The following LRRN3 variants were observed in gnomAD, a reference collection of about 807,000 sequenced individuals.
LRRN3 encodes the protein leucine-rich repeat neuronal protein 3.
In LRRN3, 15 loss-of-function variants were observed where a neutral mutation model predicts 40.1. The observed-to-expected ratio is 0.37, with a 90% CI of 0.25 to 0.58. The LOEUF is 0.58. Ranked by LOEUF, LRRN3 falls within the 20% of genes least tolerant of loss-of-function variation. LRRN3 has a pLI of 0.72. For missense variants in LRRN3, 746 were observed against 837.7 expected, an observed-to-expected ratio of 0.89 and a Z score of 1.35; for synonymous variants, 308 against 297.2, an observed-to-expected ratio of 1.04 and a Z score of -0.37.
chr7:111,102,547 A>T (rs556965810), intron 2 of LRRN3, among the ~76,000 whole-genome samples: 1 of 151,658 alleles, frequency 6.6e-6, no homozygotes, highest in East Asian at 1.9e-4. Context: ...TTTTTGCCCT[A>T]AAGTGATTTT....
At chr7:111,113,037 A>G in intron 2 of LRRN3, among the ~76,000 whole-genome samples, 1 of 152,170 alleles carries the variant, frequency 6.6e-6, no homozygotes, top group East Asian at 1.9e-4. Flanking sequence ...TGAGAACCAT[A>G]TTTTATTATA....
intron 2 of LRRN3, among the ~76,000 whole-genome samples, chr7:111,114,477 C>T (rs1799609938): frequency 6.6e-6 from 1 of 152,076 alleles, no homozygotes; most frequent in South Asian, 2.1e-4. Flanking sequence ...GTGACCCACA[C>T]CTGTAATCCC....
rs1261367397 is a variant in LRRN3 at position 111,091,292 on chromosome 7, T to C, written c.-653T>C. ...AGAAGGAATCCCGGCTGCAGCCTCCTGCCTTCCTTTATATTTTAAAATAGA... is the reference window on the plus strand; with the variant it reads ...AGAAGGAATCCCGGCTGCAGCCTCCCGCCTTCCTTTATATTTTAAAATAGA... On this transcript the variant is annotated 5_prime_UTR_variant, in exon 1 of 3. Transcript: ENST00000308478. 6.6e-6 allele frequency: 1 copy of C among 152,236 alleles called. No homozygotes were observed. The highest frequency in any genetic ancestry group is 2.4e-5 in the African/African-American group (1 of 41,456). 9.4% of individuals were successfully genotyped at this position (152,236 alleles called of 1,614,324 possible).
chr7:111,099,228 T>C (rs1797715073), intron 1 of LRRN3, among the ~76,000 whole-genome samples: 1 of 151,690 alleles, frequency 6.6e-6, no homozygotes, highest in African/African-American at 2.4e-5. Context: ...GGTCTCAAAT[T>C]TCATTATTTA....
rs761046127 is a variant in LRRN3 at position 111,122,745 on chromosome 7, C to A, written c.-28C>A. ...ACTGACTGTGGAATCCTTAAGGGCC[C>A]ATTACATTTCTGAAGAAGAAAGCTA... On this transcript the variant is annotated 5_prime_UTR_variant, in exon 3 of 3. Coordinates refer to ENST00000308478, the MANE Select transcript of LRRN3 (RefSeq NM_001099658.2). The A allele has an allele frequency of 1.3e-6, 2 of 1,570,356 alleles. No homozygotes were observed. Among genetic ancestry groups the A allele is most frequent in the Non-Finnish European group, 1.7e-6 (2 of 1,149,926 alleles).
rs189131262 is a variant in LRRN3, at chr7:111,114,108, C to G, written c.-358-8307C>G. On this transcript the variant is annotated intron_variant, in intron 2 of 2. Coordinates refer to ENST00000308478, the MANE Select transcript of LRRN3 (RefSeq NM_001099658.2). ...AATTTTCTGAACAGAACTGAAGTCT[C>G]TCAACATACACATACACATAAATCT... 1.8e-3 allele frequency among the ~76,000 whole-genome samples: 270 copies of G among 151,434 alleles called. 1 individual carries two copies. Among genetic ancestry groups the G allele is most frequent in the African/African-American group, 6.4e-3 (265 of 41,112 alleles).
At position 111,093,126 on chromosome 7, in the gene LRRN3, C is replaced by T. The variant is rs566524538; in HGVS notation, c.-441+1622C>T. On this transcript the variant is annotated intron_variant, in intron 1 of 2. Transcript: ENST00000308478. ...ACCTTTGTAAATGATGACAATAAAG[C>T]AGCTCTGACAATATGCCAGTGGCTT... Among the ~76,000 whole-genome samples the T allele has an allele frequency of 8.5e-5, 13 of 152,254 alleles. No individual in the cohort carries two copies. In the South Asian group the frequency reaches 2.7e-3, roughly 32 times the overall value.
chr7:111,118,254 A>C (rs1387703966), intron 2 of LRRN3, among the ~76,000 whole-genome samples: 2 of 152,186 alleles, frequency 1.3e-5, no homozygotes, highest in East Asian at 1.9e-4. Flanking sequence ...ATGCCTGCCA[A>C]AAAGTAGGTG....
At chr7:111,103,036 T>C (rs949320237) in intron 2 of LRRN3, among the ~76,000 whole-genome samples, 15 of 151,592 alleles carry the variant, frequency 9.9e-5, no homozygotes, top group South Asian at 2.1e-4. Context: ...ACAGTGTCCA[T>C]TGATCATAGT....
chr7:111,116,517 C>G (rs1799899209), intron 2 of LRRN3, among the ~76,000 whole-genome samples: 1 of 152,022 alleles, frequency 6.6e-6, no homozygotes, highest in African/African-American at 2.4e-5. Context: ...TAATTTTTCT[C>G]TAATAAACAA....
At chr7:111,110,124 G>T (rs373978907) in intron 2 of LRRN3, among the ~76,000 whole-genome samples, 1 of 152,146 alleles carries the variant, frequency 6.6e-6, no homozygotes, top group Non-Finnish European at 1.5e-5. Flanking sequence ...AACACAGTGA[G>T]ACTCTGTCTC....
In LRRN3 at chr7:111,124,742, G is replaced by A. The variant is rs769565061; in HGVS notation, c.1970G>A (p.Gly657Asp). 8.1e-6 allele frequency: 13 copies of A among 1,613,810 alleles called. No individual in the cohort carries two copies. The South Asian group carries it at 1.3e-4, about 16-fold the overall frequency. ...CTCTCTCCAGAAATGAACTGTGATG[G>A]TGGACACAGCTATGTGAGGAATTAC... is the stretch of plus-strand genomic sequence containing the variant. ...SCLSPEMNCD[G>D]GHSYVRNYLQ... Residue 657 changes from glycine to aspartate, a missense_variant, in exon 3 of 3, where the codon GGT becomes GAT. By Grantham distance (94) the Gly-to-Asp change is moderately conservative. Coordinates refer to ENST00000308478, the MANE Select transcript of LRRN3 (RefSeq NM_001099658.2).
chr7:111,114,133 T>TACACAC (rs71151831), intron 2 of LRRN3, among the ~76,000 whole-genome samples: 381 of 146,660 alleles, frequency 2.6e-3, no homozygotes, highest in African/African-American at 5.9e-3. Flanking sequence ...CACATAAATC[T>TACACAC]ACACACACAC....
intron 2 of LRRN3, among the ~76,000 whole-genome samples, chr7:111,109,959 C>A (rs146931470): frequency 6.6e-6 from 1 of 152,220 alleles, no homozygotes; most frequent in African/African-American, 2.4e-5. Flanking sequence ...TATGGTGAAA[C>A]ACTGTGTCTA....
rs528720656 is a variant in LRRN3 at position 111,096,693 on chromosome 7, G to C, written c.-440-3188G>C. On this transcript the variant is annotated intron_variant, in intron 1 of 2. Transcript: ENST00000308478. Reference sequence around the variant, plus strand: ...GAGTAAATTATTTAGGGATTTTCCAGGTTACTAAAAATTATGAACAAAGTC... The same window carrying C: ...GAGTAAATTATTTAGGGATTTTCCACGTTACTAAAAATTATGAACAAAGTC... Among the ~76,000 whole-genome samples, 3 of 151,830 alleles carry C rather than the reference G, an allele frequency of 2.0e-5. No individual in the cohort carries two copies. The East Asian group carries it at 5.8e-4, about 30-fold the overall frequency.
At chr7:111,110,676 T>C (rs906211288) in intron 2 of LRRN3, among the ~76,000 whole-genome samples, 2 of 152,220 alleles carry the variant, frequency 1.3e-5, no homozygotes, top group East Asian at 3.8e-4. Flanking sequence ...AGAATGTTTC[T>C]ACATATATGA....
intron 2 of LRRN3, among the ~76,000 whole-genome samples, chr7:111,105,852 C>G (rs1798492570): frequency 6.6e-6 from 1 of 151,804 alleles, no homozygotes; most frequent in Non-Finnish European, 1.5e-5. Context: ...TTTATAGCAT[C>G]CCCACTTTTT....
At position 111,098,555 on chromosome 7, in the gene LRRN3, A is replaced by G. The variant is rs1003849012; in HGVS notation, c.-440-1326A>G. On this transcript the variant is annotated intron_variant, in intron 1 of 2. Transcript: ENST00000308478. ...ACGTTCAAACCACATCATCTCTCTT[A>G]GACAATCCTTTACTGGCTAAAGGAA... Among the ~76,000 whole-genome samples the G allele has an allele frequency of 2.6e-5, 4 of 151,942 alleles. No individual in the cohort carries two copies. In the East Asian group the frequency reaches 7.7e-4, roughly 29 times the overall value.
intron 2 of LRRN3, among the ~76,000 whole-genome samples, chr7:111,104,083 C>T (rs1017672583): frequency 1.3e-5 from 2 of 151,674 alleles, no homozygotes; most frequent in African/African-American, 4.8e-5. Flanking sequence ...AGCATAACAA[C>T]TCTTCATATC....
Sources: allele counts gnomAD v4.1 joint callset (sites outside exome capture counted in the v4.1 genomes callset), GRCh38; gene constraint gnomAD v4.1.1; transcripts MANE v1.5; gene names NCBI Gene and HGNC (gene_info 2026-07-23, HGNC 2026-07-21).